ITGB4: variants seen among roughly 807,000 people sequenced by gnomAD.
ITGB4 encodes the protein integrin subunit beta 4.
In ITGB4, 159 loss-of-function variants were observed where a neutral mutation model predicts 207.6. The observed-to-expected ratio is 0.77, with a 90% confidence interval of 0.67 to 0.87. ITGB4 has a LOEUF of 0.87. ITGB4 is among the 40% of genes least tolerant of loss of function. The pLI is 0.00. For missense variants in ITGB4, 2,278 were observed against 2,546.8 expected, an observed-to-expected ratio of 0.89 and a Z score of 2.27; for synonymous variants, 1,020 against 1,062.7, an observed-to-expected ratio of 0.96 and a Z score of 0.78.
chr17:75,727,047 T>A lies in ITGB4; in HGVS notation c.80-148T>A. The A allele has an allele frequency of 1.4e-6, 1 of 702,596 alleles. No individual in the cohort carries two copies. Among genetic ancestry groups the A allele is most frequent in the Non-Finnish European group, 2.5e-6 (1 of 403,278 alleles). The allele number at this position is 702,596 out of a possible 1,614,324, so 43.5% of individuals were successfully genotyped here. A position where few individuals can be genotyped will look rare whatever the true frequency, so the allele number is the denominator to read the frequency against. On this transcript the variant is annotated intron_variant, in intron 2 of 39. Transcript: ENST00000200181. This position sits in a 1 kb window ranked among gnomAD's most constrained non-coding sequence, Gnocchi z 6.0. ...AGGATCACGCCACTGCACTCCAGCCTGGGCAACAGAGCGAGACTCTGTCTC... is the reference window on the plus strand; with the variant it reads ...AGGATCACGCCACTGCACTCCAGCCAGGGCAACAGAGCGAGACTCTGTCTC...
chr17:75,728,270 C>T lies in ITGB4; in HGVS notation c.470-107C>T, dbSNP rs371307520. On this transcript the variant is annotated intron_variant, in intron 5 of 39. Coordinates refer to ENST00000200181, the MANE Select transcript of ITGB4 (RefSeq NM_000213.5). ...ATGAACCTTTGTCCAGCATGCAAAG[C>T]GTTAACCTCCCTCTTCCTCCCTTCT... The T allele has an allele frequency of 6.0e-5, 52 of 865,382 alleles. No homozygotes were observed. The African/African-American group carries it at 6.6e-4, about 11-fold the overall frequency. The allele number at this position is 865,382 out of a possible 1,614,324, so 53.6% of individuals were successfully genotyped here.
At chr17:75,728,129 T>C (rs1294735154) in intron 5 of ITGB4, among the ~76,000 whole-genome samples, 5 of 152,318 alleles carry the variant, frequency 3.3e-5, no homozygotes, top group Non-Finnish European at 5.9e-5. Flanking sequence ...TGGGGAAGCT[T>C]CTGCTCCTCA....
At chr17:75,747,964 C>T (rs1042721992) in intron 26 of ITGB4, among the ~76,000 whole-genome samples, 15 of 152,132 alleles carry the variant, frequency 9.9e-5, no homozygotes, top group South Asian at 6.2e-4. Flanking sequence ...CTGGCTGCTG[C>T]GCCTGGAATT....
In ITGB4 at chr17:75,729,453, G is replaced by T; in HGVS notation, c.738+17G>T. ...GTGTGCACGGTGGGCACTGGGAAGGGTGCTGCCAGCCTAGGCCAGGGGTGA... is the reference window on the plus strand; with the variant it reads ...GTGTGCACGGTGGGCACTGGGAAGGTTGCTGCCAGCCTAGGCCAGGGGTGA... On this transcript the variant is annotated intron_variant, in intron 7 of 39. Coordinates refer to ENST00000200181, the MANE Select transcript of ITGB4 (RefSeq NM_000213.5). This position sits in a 1 kb window ranked among gnomAD's most constrained non-coding sequence, Gnocchi z 4.4. 6.2e-7 allele frequency: 1 copy of T among 1,612,706 alleles called. No homozygotes were observed. Among genetic ancestry groups the T allele is most frequent in the Non-Finnish European group, 8.5e-7 (1 of 1,179,262 alleles).
rs946622269 is a variant in ITGB4, at chr17:75,757,259, T to C, written c.5278T>C (p.Tyr1760His). 1.9e-6 allele frequency: 3 copies of C among 1,611,180 alleles called. No individual in the cohort carries two copies. Among genetic ancestry groups the C allele is most frequent in the African/African-American group, 2.7e-5 (2 of 74,736 alleles). Residue 1760 changes from tyrosine to histidine, a missense_variant, in exon 39 of 40, where the codon TAC becomes CAC. Tyr to His is a moderately conservative substitution (Grantham distance 83). Transcript: ENST00000200181. ...CTTCCAGCACCCGCTGCAAAGCGAG[T>C]ACAGCAGCATCACCACCACCCACAC... ...GLFQHPLQSE[Y>H]SSITTTHTSA...
rs757362929 is a variant in ITGB4 at position 75,740,787 on chromosome 17, T to C, written c.2551-6T>C. 1 of 1,612,876 alleles carries C rather than the reference T, an allele frequency of 6.2e-7. No individual in the cohort carries two copies. The highest frequency in any genetic ancestry group is 8.5e-7 in the Non-Finnish European group (1 of 1,179,908). The stretch of plus-strand genomic sequence containing the variant: ...CCCAGCCTCACGCCCCTCCCTTGCC[T>C]GGCAGCTGAACGAGGTCTACAGGCA... On this transcript the variant is annotated splice_region_variant and splice_polypyrimidine_tract_variant and intron_variant, in intron 21 of 39. Coordinates refer to ENST00000200181, the MANE Select transcript of ITGB4 (RefSeq NM_000213.5). The surrounding 1 kb of genome is among the most constrained non-coding windows in gnomAD (Gnocchi z 5.9).
In ITGB4 at chr17:75,752,520, G is replaced by A. The variant is rs769852038; in HGVS notation, c.4051G>A (p.Asp1351Asn). ...CTACGACAGCTTCCTTATGTACAGC[G>A]ATGACGTTCTACGCTCTCCATCGGG... is the stretch of plus-strand genomic sequence containing the variant. ...EDYDSFLMYS[D>N]DVLRSPSGSQ... The change falls in exon 32 of 40, where the codon GAT becomes AAT. Residue 1351 changes from aspartate (D) to asparagine (N), a missense_variant. Coordinates refer to ENST00000200181, the MANE Select transcript of ITGB4 (RefSeq NM_000213.5). 63 of 1,613,708 alleles carry A rather than the reference G, an allele frequency of 3.9e-5. No individual in the cohort carries two copies. In the African/African-American group the frequency reaches 4.4e-4, roughly 11 times the overall value.
At chr17:75,754,363 C>G (rs1237928793) in intron 33 of ITGB4, 2 of 620,858 alleles carry the variant, frequency 3.2e-6, no homozygotes, top group Non-Finnish European at 2.8e-6. Flanking sequence ...ATAGAGTGGC[C>G]GGCCAGAGGA....
rs368913979 is a variant in ITGB4, at chr17:75,742,707, G to A, written c.2908G>A (p.Gly970Ser). Residue 970 changes from glycine to serine, a missense_variant, in exon 25 of 40, where the codon GGC (glycine) becomes AGC (serine). Transcript: ENST00000200181. The surrounding 1 kb of genome is among the most constrained non-coding windows in gnomAD (Gnocchi z 5.9). ...LLVEAIDVPA[G>S]TATLGRRLVN... The stretch of plus-strand genomic sequence containing the variant: ...GGTGGAGGCCATCGACGTGCCCGCA[G>A]GCACTGCCACCCTCGGCCGCCGCCT... The A allele has an allele frequency of 6.8e-6, 11 of 1,613,608 alleles. No homozygotes were observed. The African/African-American group carries it at 1.5e-4, about 22-fold the overall frequency.
intron 14 of ITGB4, 61 bp downstream of exon 14, chr17:75,736,215 C>T: frequency 3.7e-6 from 6 of 1,603,414 alleles, no homozygotes; most frequent in Non-Finnish European, 8.5e-7. Flanking sequence ...CCAGAGAGAA[C>T]CCTATGGAGA....
rs1190393849 is a variant in ITGB4, at chr17:75,739,902, A to G, written c.2277A>G (p.Glu759=). The part of the protein sequence containing the change: ...CNRGHMVGFK[E]DHYMLRENLM... ...CAGGTCACATGGTGGGCTTTAAGGA[A>G]GACCACTACATGCTGCGGGAGAACC... Residue 759 remains glutamate (E), a synonymous_variant, in exon 20 of 40, where the codon GAA becomes GAG. Coordinates refer to ENST00000200181, the MANE Select transcript of ITGB4 (RefSeq NM_000213.5). This position sits in a 1 kb window ranked among gnomAD's most constrained non-coding sequence, Gnocchi z 5.4. 1 of 1,613,558 alleles carries G rather than the reference A, an allele frequency of 6.2e-7. No homozygotes were observed. Among genetic ancestry groups the G allele is most frequent in the South Asian group, 1.1e-5 (1 of 91,088 alleles).
chr17:75,756,397 C>T, intron 35 of ITGB4, 32 bp from the exon 36 acceptor site: 1 of 1,610,494 alleles, frequency 6.2e-7, no homozygotes, highest in Non-Finnish European at 8.5e-7. Context: ...AGTAACACTG[C>T]ACTACTGTGT....
In ITGB4 at chr17:75,736,485, G is replaced by C; in HGVS notation, c.1861-80G>C. The C allele has an allele frequency of 2.5e-6, 4 of 1,606,622 alleles. No homozygotes were observed. The South Asian group carries it at 4.4e-5, about 18-fold the overall frequency. The stretch of plus-strand genomic sequence containing the variant: ...GCCTGATGCCACAGGAGCTGGCCAA[G>C]GGCAAGAGGTTTGGGGAGCGGGGGT... On this transcript the variant is annotated intron_variant, in intron 15 of 39. Transcript: ENST00000200181.
rs1446788794 is a variant in ITGB4 at position 75,742,324 on chromosome 17, T to C, written c.2634-17T>C. 6.2e-7 allele frequency: 1 copy of C among 1,613,158 alleles called. No homozygotes were observed. Among genetic ancestry groups the C allele is most frequent in the Non-Finnish European group, 8.5e-7 (1 of 1,180,002 alleles). ...GCCTGACCCCTCCGCTGCCTGAACC[T>C]TCCACCCTCGACCCAGGCAAGACCA... is the stretch of plus-strand genomic sequence containing the variant. On this transcript the variant is annotated splice_polypyrimidine_tract_variant and intron_variant, in intron 23 of 39. Coordinates refer to ENST00000200181, the MANE Select transcript of ITGB4 (RefSeq NM_000213.5). The surrounding 1 kb of genome is among the most constrained non-coding windows in gnomAD (Gnocchi z 5.9).
chr17:75,749,613 G>C (rs1195185100), intron 27 of ITGB4, among the ~76,000 whole-genome samples: 1 of 152,226 alleles, frequency 6.6e-6, no homozygotes. Flanking sequence ...CAGCTAGAGA[G>C]GCTGTTGTCA....
intron 35 of ITGB4, 131 bp downstream of exon 35, chr17:75,755,981 T>G (rs2061490807): frequency 6.2e-6 from 7 of 1,131,742 alleles, no homozygotes; most frequent in Non-Finnish European, 2.6e-6. Flanking sequence ...CCATCCAGCC[T>G]GAGAGGGTCT....
intron 26 of ITGB4, among the ~76,000 whole-genome samples, chr17:75,745,676 C>T (rs895346310): frequency 1.3e-5 from 2 of 152,026 alleles, no homozygotes; most frequent in Non-Finnish European, 2.9e-5. Context: ...GTCACGAGTT[C>T]GAGACCAGCC....
intron 2 of ITGB4, among the ~76,000 whole-genome samples, chr17:75,726,556 A>T (rs2060720764): frequency 6.6e-6 from 1 of 151,952 alleles, no homozygotes; most frequent in East Asian, 1.9e-4. Flanking sequence ...ACATGGTGGA[A>T]CCCCATCTCT....
rs2061126927 is a variant in ITGB4 at position 75,742,235 on chromosome 17, C to T, written c.2634-106C>T. Reference sequence around the variant, plus strand: ...GCCTCTGAAGACCCTGCACTTCTTGCTGTCTTACATCCTGGCCCCTGAAGG... The same window carrying T: ...GCCTCTGAAGACCCTGCACTTCTTGTTGTCTTACATCCTGGCCCCTGAAGG... On this transcript the variant is annotated intron_variant, in intron 23 of 39. Coordinates refer to ENST00000200181, the MANE Select transcript of ITGB4 (RefSeq NM_000213.5). The surrounding 1 kb of genome is among the most constrained non-coding windows in gnomAD (Gnocchi z 5.9). 48 of 1,419,222 alleles carry T rather than the reference C, an allele frequency of 3.4e-5. No homozygotes were observed. Among genetic ancestry groups the T allele is most frequent in the Non-Finnish European group, 4.7e-5 (48 of 1,018,268 alleles). The allele number at this position is 1,419,222 out of a possible 1,614,324, so 87.9% of individuals were successfully genotyped here. A position where few individuals can be genotyped will look rare whatever the true frequency, so the allele number is the denominator to read the frequency against.
Sources: allele counts gnomAD v4.1 joint callset (sites outside exome capture counted in the v4.1 genomes callset), GRCh38; gene constraint gnomAD v4.1.1; non-coding constraint Gnocchi (gnomAD v3.1); transcripts MANE v1.5; gene names NCBI Gene and HGNC (gene_info 2026-07-23, HGNC 2026-07-21).